Variants in CDH13 observed in about 807,000 individuals in gnomAD.
The protein encoded by CDH13 is cadherin 13, also known as cadherin-13.
A neutral mutation model predicts 63.8 loss-of-function variants in CDH13; 24 were observed. The ratio of observed to expected loss-of-function variants is 0.38; its 90% confidence interval spans 0.27 to 0.53. The LOEUF (loss-of-function observed/expected upper bound fraction) is 0.53. Ranked by LOEUF, CDH13 falls within the 20% of genes least tolerant of loss-of-function variation. CDH13 has a pLI of 0.85. For synonymous variants in CDH13, 503 were observed against 355.3 expected, an observed-to-expected ratio of 1.42 and a Z score of -4.67; for missense variants, 1,049 against 903.1, an observed-to-expected ratio of 1.16 and a Z score of -2.07.
At chr16:82,851,279 C>G (rs550659091) in intron 1 of CDH13, among the ~76,000 whole-genome samples, 1 of 151,788 alleles carries the variant, frequency 6.6e-6, no homozygotes, top group East Asian at 1.9e-4. Context: ...ACTAAAAATA[C>G]AAAAAATTAG....
intron 5 of CDH13, among the ~76,000 whole-genome samples, chr16:83,244,057 A>C (rs1342232007): frequency 1.3e-5 from 2 of 151,958 alleles, no homozygotes; most frequent in Admixed American, 1.3e-4. Flanking sequence ...CTGCCACCAA[A>C]ATTAGAAACA....
chr16:83,092,180 C>G (rs2033945178), intron 3 of CDH13, among the ~76,000 whole-genome samples: 1 of 152,090 alleles, frequency 6.6e-6, no homozygotes, highest in Admixed American at 6.5e-5. Context: ...AAATCTTAGA[C>G]TCAGAAAATT....
chr16:82,727,150 A>G (rs560107293), intron 1 of CDH13, among the ~76,000 whole-genome samples: 1 of 152,218 alleles, frequency 6.6e-6, no homozygotes, highest in South Asian at 2.1e-4. Context: ...GGCAAATCAA[A>G]TGACAGCAAC....
chr16:83,442,594 T>G lies in CDH13; in HGVS notation c.782-43883T>G, dbSNP rs549237599. 2.6e-5 allele frequency among the ~76,000 whole-genome samples: 4 copies of G among 152,358 alleles called. No homozygotes were observed. The South Asian group carries it at 8.3e-4, about 32-fold the overall frequency. ...TCTTTATAGATTTATAGTCAATACT[T>G]CAGCCTTTCTATGACAAGAAGCTTA... On this transcript the variant is annotated intron_variant, in intron 6 of 13. Transcript: ENST00000567109.
At chr16:82,639,172 C>G (rs1909071715) in intron 1 of CDH13, among the ~76,000 whole-genome samples, 1 of 152,128 alleles carries the variant, frequency 6.6e-6, no homozygotes, top group African/African-American at 2.4e-5. Context: ...TTTCCTTTGT[C>G]TATTTTGTTC....
chr16:83,533,851 C>A (rs573825946), intron 7 of CDH13, among the ~76,000 whole-genome samples: 1 of 152,004 alleles, frequency 6.6e-6, no homozygotes, highest in African/African-American at 2.4e-5. Flanking sequence ...AAACTCCTGA[C>A]CCCAAGTGAT....
At chr16:83,254,953 TTC>T (rs1906043894) in intron 5 of CDH13, among the ~76,000 whole-genome samples, 1 of 1,930 alleles carries the variant, frequency 5.2e-4, no homozygotes, top group African/African-American at 6.1e-4. Context: ...CTTTTTCTCT[TTC>T]TTTCTTTCTT....
At chr16:83,401,375 A>T (rs536473914) in intron 6 of CDH13, among the ~76,000 whole-genome samples, 209 of 151,566 alleles carry the variant, frequency 1.4e-3, no homozygotes, top group Non-Finnish European at 2.4e-3. Context: ...ATAAAAAATT[A>T]AAAAATTAGC....
intron 3 of CDH13, among the ~76,000 whole-genome samples, chr16:83,092,930 C>G (rs893743843): frequency 6.6e-6 from 1 of 152,094 alleles, no homozygotes; most frequent in Non-Finnish European, 1.5e-5. Flanking sequence ...GGTACTTTTG[C>G]GCAAGATTTG....
intron 1 of CDH13, among the ~76,000 whole-genome samples, chr16:82,677,981 T>C (rs1914124096): frequency 6.6e-6 from 1 of 152,186 alleles, no homozygotes; most frequent in Non-Finnish European, 1.5e-5. Context: ...AGAAAATCTA[T>C]AGTTGCAAAT....
chr16:82,834,036 AT>A (rs2038659244), intron 1 of CDH13, among the ~76,000 whole-genome samples: 1 of 152,156 alleles, frequency 6.6e-6, no homozygotes, highest in Non-Finnish European at 1.5e-5. Context: ...ATAAATAATA[AT>A]TTTCTCAATT....
At chr16:83,270,623 C>A (rs2151845238) in intron 5 of CDH13, among the ~76,000 whole-genome samples, 1 of 152,278 alleles carries the variant, frequency 6.6e-6, no homozygotes, top group Non-Finnish European at 1.5e-5. Context: ...TGTATGTGTG[C>A]ATGAAGGCCC....
intron 7 of CDH13, among the ~76,000 whole-genome samples, chr16:83,506,422 A>AT (rs1473169663): frequency 6.6e-6 from 1 of 152,188 alleles, no homozygotes; most frequent in Non-Finnish European, 1.5e-5. Context: ...GCCTTCCTTT[A>AT]TGTAACCTCC....
In CDH13 at chr16:83,450,420, T is replaced by C. The variant is rs186824902; in HGVS notation, c.782-36057T>C. On this transcript the variant is annotated intron_variant, in intron 6 of 13. Coordinates refer to ENST00000567109, the MANE Select transcript of CDH13 (RefSeq NM_001257.5). ...AAATGGGTGGTGTTGTGGGGGACAA[T>C]TTTCTACCTGATGAGCTCCTCATGA... Among the ~76,000 whole-genome samples, 6 of 152,274 alleles carry C rather than the reference T, an allele frequency of 3.9e-5. No homozygotes were observed. In the Middle Eastern group the frequency reaches 0.01, roughly 259 times the overall value.
chr16:83,368,369 T>C (rs1228943427), intron 6 of CDH13, among the ~76,000 whole-genome samples: 1 of 152,222 alleles, frequency 6.6e-6, no homozygotes, highest in East Asian at 1.9e-4. Flanking sequence ...GAACTAATTA[T>C]GGAAAGAATT....
chr16:83,453,758 CTCCACCAT>C (rs2072946678), intron 6 of CDH13, among the ~76,000 whole-genome samples: 1 of 648 alleles, frequency 1.5e-3, no homozygotes, highest in African/African-American at 3.9e-3. Context: ...CACCATGTAT[CTCCACCAT>C]GTATCTGTGA....
intron 1 of CDH13, chr16:82,825,590 G>A (rs1259158222): frequency 1.4e-5 from 2 of 147,628 alleles, no homozygotes; most frequent in Non-Finnish European, 3.0e-5. Flanking sequence ...TGCCCCGGCT[G>A]GAGTGACTGC....
At chr16:83,529,430 G>C (rs142226377) in intron 7 of CDH13, among the ~76,000 whole-genome samples, 1 of 152,192 alleles carries the variant, frequency 6.6e-6, no homozygotes, top group African/African-American at 2.4e-5. Flanking sequence ...AAAAATAAAA[G>C]GTTAGATCTC....
At chr16:82,834,460 TC>T (rs1397711978) in intron 1 of CDH13, among the ~76,000 whole-genome samples, 1 of 151,776 alleles carries the variant, frequency 6.6e-6, no homozygotes, top group African/African-American at 2.4e-5. Context: ...TAAGAAAGTT[TC>T]CCCCTCTAAA....
Sources: allele counts gnomAD v4.1 joint callset (sites outside exome capture counted in the v4.1 genomes callset), GRCh38; gene constraint gnomAD v4.1.1; transcripts MANE v1.5; gene names NCBI Gene and HGNC (gene_info 2026-07-23, HGNC 2026-07-21).